The following MAF variants were observed in gnomAD, a reference collection of about 807,000 sequenced individuals.
MAF encodes MAF bZIP transcription factor, also known as transcription factor Maf.
A neutral mutation model predicts 22.0 loss-of-function variants in MAF; 10 were observed. The observed-to-expected ratio is 0.45, with a 90% CI of 0.28 to 0.77. The LOEUF is 0.77. MAF is among the 30% of genes least tolerant of loss of function. The probability of loss-of-function intolerance (pLI) is 0.12; values close to 1 mark genes in which losing one functional copy is unlikely to be tolerated. For synonymous variants in MAF, 337 were observed against 255.8 expected, an observed-to-expected ratio of 1.32 and a Z score of -3.03; for missense variants, 544 against 548.4, an observed-to-expected ratio of 0.99 and a Z score of 0.08.
chr16:79,570,587 T>C, the MAF span, among the ~76,000 whole-genome samples: 6 of 152,226 alleles, frequency 3.9e-5, no homozygotes, highest in Non-Finnish European at 7.3e-5. Context: ...ATCGTTCATC[T>C]GGGAAGCTCA....
At chr16:79,302,968 T>A in the MAF span, among the ~76,000 whole-genome samples, 10 of 152,384 alleles carry the variant, frequency 6.6e-5, no homozygotes, top group Non-Finnish European at 1.0e-4. Context: ...AAAAGCCTAA[T>A]GACCCATTTT....
chr16:79,570,818 T>G, the MAF span, among the ~76,000 whole-genome samples: 1 of 152,300 alleles, frequency 6.6e-6, no homozygotes, highest in East Asian at 1.9e-4. Flanking sequence ...TGACAGTCAA[T>G]CCAGCAAACA....
the MAF span, among the ~76,000 whole-genome samples, chr16:79,501,279 G>A: frequency 2.0e-5 from 3 of 152,222 alleles, no homozygotes; most frequent in South Asian, 6.2e-4. Context: ...ATCTGTCTTT[G>A]TGTTTGCTCC....
chr16:79,421,170 A>G, the MAF span, among the ~76,000 whole-genome samples: 3 of 152,234 alleles, frequency 2.0e-5, no homozygotes, highest in Admixed American at 6.5e-5. Flanking sequence ...GTATGTACGT[A>G]CAAGAGAAAA....
chr16:79,416,037 C>T, the MAF span, among the ~76,000 whole-genome samples: 11 of 152,074 alleles, frequency 7.2e-5, no homozygotes, highest in Admixed American at 2.0e-4. Flanking sequence ...CTGGTTGCGC[C>T]CGAGCACAGC....
At chr16:79,597,868 C>G in intron 1 of MAF, 1 of 1,028,260 alleles carries the variant, frequency 9.7e-7, no homozygotes, top group Non-Finnish European at 1.2e-6. Flanking sequence ...TTCATTGTTG[C>G]TAAGACAAAG....
the MAF span, among the ~76,000 whole-genome samples, chr16:79,213,218 C>A: frequency 2.0e-5 from 3 of 152,130 alleles, no homozygotes; most frequent in Non-Finnish European, 4.4e-5. Context: ...TGTCATTGTT[C>A]CCCCTCCTGA....
At chr16:79,474,936 G>T in the MAF span, among the ~76,000 whole-genome samples, 1 of 152,214 alleles carries the variant, frequency 6.6e-6, no homozygotes, top group African/African-American at 2.4e-5. Flanking sequence ...AACTAGAAAT[G>T]TGTGCATTAA....
chr16:79,534,012 C>T, the MAF span, among the ~76,000 whole-genome samples: 1 of 152,170 alleles, frequency 6.6e-6, no homozygotes, highest in Non-Finnish European at 1.5e-5. Flanking sequence ...GCCTCACTGT[C>T]CCCATACTAC....
the MAF span, among the ~76,000 whole-genome samples, chr16:79,348,664 T>C: frequency 6.6e-6 from 1 of 152,216 alleles, no homozygotes; most frequent in East Asian, 1.9e-4. Flanking sequence ...AAAGCATGGC[T>C]TGGGCCCAGT....
the MAF span, among the ~76,000 whole-genome samples, chr16:79,213,105 CA>C: frequency 6.6e-6 from 1 of 152,198 alleles, no homozygotes. Context: ...ATCTCATGGA[CA>C]CCATGATTTC....
chr16:79,598,587 T>TGG (rs1369121647), intron 1 of MAF, 198 bp downstream of exon 1: 1 of 1,335,936 alleles, frequency 7.5e-7, no homozygotes, highest in Admixed American at 2.2e-5. Flanking sequence ...GTGGGGTGTG[T>TGG]GTGTGTGTGT....
At chr16:79,333,052 A>G in the MAF span, among the ~76,000 whole-genome samples, 1,647 of 152,346 alleles carry the variant, frequency 0.011, 34 homozygotes, top group African/African-American at 0.037. Context: ...ATGAGTCAGG[A>G]ATAGCCTGAA....
chr16:79,344,742 T>C, the MAF span, among the ~76,000 whole-genome samples: 4 of 152,186 alleles, frequency 2.6e-5, no homozygotes, highest in Non-Finnish European at 5.9e-5. Context: ...TGTTTATTTA[T>C]ATTAGGTATG....
At chr16:79,520,822 G>A in the MAF span, among the ~76,000 whole-genome samples, 1 of 152,128 alleles carries the variant, frequency 6.6e-6, no homozygotes, top group Non-Finnish European at 1.5e-5. Flanking sequence ...TATTGCTCCT[G>A]ATGAACATTG....
the MAF span, among the ~76,000 whole-genome samples, chr16:79,409,153 C>G: frequency 2.6e-5 from 4 of 152,042 alleles, no homozygotes; most frequent in Non-Finnish European, 4.4e-5. Flanking sequence ...TCAACCTGAA[C>G]AGAAACTCTT....
the MAF span, among the ~76,000 whole-genome samples, chr16:79,315,381 T>C: frequency 6.6e-6 from 1 of 152,212 alleles, no homozygotes; most frequent in Non-Finnish European, 1.5e-5. Flanking sequence ...TTACTAATGC[T>C]AAGAGAAACT....
chr16:79,342,735 ACTAGAATT>A, the MAF span, among the ~76,000 whole-genome samples: 1 of 152,196 alleles, frequency 6.6e-6, no homozygotes, highest in African/African-American at 2.4e-5. Flanking sequence ...ATTGACGCCT[ACTAGAATT>A]CTGTGAGGTG....
At chr16:79,580,024 G>A in the MAF span, among the ~76,000 whole-genome samples, 2 of 151,950 alleles carry the variant, frequency 1.3e-5, no homozygotes, top group Non-Finnish European at 1.5e-5. Context: ...AAAATAGGAC[G>A]AAAACAAATA....
Sources: allele counts gnomAD v4.1 joint callset (sites outside exome capture counted in the v4.1 genomes callset), GRCh38; gene constraint gnomAD v4.1.1; transcripts MANE v1.5; gene names NCBI Gene and HGNC (gene_info 2026-07-23, HGNC 2026-07-21).